ALDH4A1: variants seen among roughly 807,000 people sequenced by gnomAD.
ALDH4A1 encodes aldehyde dehydrogenase 4 family member A1.
Under a neutral mutation model 70.5 loss-of-function variants are expected in ALDH4A1, and 46 were observed. That is an observed-to-expected ratio of 0.65 (90% CI 0.51 to 0.83). ALDH4A1 has a LOEUF of 0.83. Ranked by LOEUF, ALDH4A1 falls within the 40% of genes least tolerant of loss-of-function variation. The pLI is 0.00. For missense variants in ALDH4A1, 749 were observed against 766.5 expected, an observed-to-expected ratio of 0.98 and a Z score of 0.27; for synonymous variants, 323 against 324.3, an observed-to-expected ratio of 1.00 and a Z score of 0.04.
chr1:18,900,824 T>A (rs1935774202), intron 1 of ALDH4A1: 1 of 980,090 alleles, frequency 1.0e-6, no homozygotes, highest in Admixed American at 6.2e-5. Flanking sequence ...GTCATATATC[T>A]CTGATGGCAG....
intron 12 of ALDH4A1, 36 bp from the exon 13 acceptor site, chr1:18,875,539 G>A (rs764284672): frequency 1.9e-6 from 3 of 1,613,242 alleles, no homozygotes; most frequent in African/African-American, 2.7e-5. Flanking sequence ...CCCTCCACGG[G>A]ACCAGGGACC....
At chr1:18,878,950 A>C (rs1325109633) in intron 9 of ALDH4A1, among the ~76,000 whole-genome samples, 1 of 152,124 alleles carries the variant, frequency 6.6e-6, no homozygotes, top group Non-Finnish European at 1.5e-5. Flanking sequence ...CTGCATTTGC[A>C]CTTGCCTCCG....
In ALDH4A1 at chr1:18,872,553, G is replaced by A. The variant is rs377235694; in HGVS notation, c.*292C>T. 4.1e-5 allele frequency: 12 copies of A among 292,438 alleles called. No homozygotes were observed. Among genetic ancestry groups the A allele is most frequent in the African/African-American group, 2.6e-4 (12 of 46,814 alleles). 18.1% of individuals were successfully genotyped at this position (292,438 alleles called of 1,614,324 possible). On this transcript the variant is annotated 3_prime_UTR_variant, in exon 15 of 15. Coordinates refer to ENST00000375341, the MANE Select transcript of ALDH4A1 (RefSeq NM_003748.4). ...CTCCATCTCCTTTCCCCAGGTCCCTGAGCCACTGGGCCCAGTGGAGGGCAG... is the reference window on the plus strand; with the variant it reads ...CTCCATCTCCTTTCCCCAGGTCCCTAAGCCACTGGGCCCAGTGGAGGGCAG...
intron 8 of ALDH4A1, 54 bp downstream of exon 8, chr1:18,881,646 G>A: frequency 9.9e-6 from 2 of 202,504 alleles, no homozygotes; most frequent in Non-Finnish European, 8.3e-6. Flanking sequence ...GACAGCAGGT[G>A]AGCAGGTGAA....
At chr1:18,875,101 G>T (rs113153383) in intron 13 of ALDH4A1, among the ~76,000 whole-genome samples, 1 of 152,234 alleles carries the variant, frequency 6.6e-6, no homozygotes, top group Non-Finnish European at 1.5e-5. Flanking sequence ...ACCAGATCCC[G>T]CAGAGCCAGT....
At chr1:18,885,427 T>TTCCCCCCCCCCCCCCCCCCC in intron 5 of ALDH4A1, 46 bp downstream of exon 5, 20 of 650,914 alleles carry the variant, frequency 3.1e-5, no homozygotes, top group East Asian at 6.3e-5. Context: ...CACACCTGAC[T>TTCCCCCCCCCCCCCCCCCCC]CCCACCCCAC....
chr1:18,896,297 A>G (rs1935612926), intron 1 of ALDH4A1, among the ~76,000 whole-genome samples: 1 of 152,036 alleles, frequency 6.6e-6, no homozygotes, highest in African/African-American at 2.4e-5. Flanking sequence ...CCTGAGAAAT[A>G]CAATCAATGC....
rs1569779981 is a variant in ALDH4A1, at chr1:18,890,079, A to G, written c.89T>C (p.Leu30Pro). The change falls in exon 2 of 15, where the codon CTG becomes CCG. Residue 30 changes from leucine to proline, a missense_variant. By Grantham distance (98) the Leu-to-Pro change is moderately conservative. Transcript: ENST00000375341. ...TAAGACGGGCTCGTTGGCCACCTTC[A>G]GGGAGGAGGTGTGCTTCCACCGCAG... Reference protein sequence around the residue: ...AGLRWKHTSSLKVANEPVLAF... With the variant: ...AGLRWKHTSSPKVANEPVLAF... 3 of 1,612,700 alleles carry G rather than the reference A, an allele frequency of 1.9e-6. No homozygotes were observed. The highest frequency in any genetic ancestry group is 4.5e-5 in the East Asian group (2 of 44,852).
intron 10 of ALDH4A1, 40 bp downstream of exon 10, chr1:18,877,375 GC>G (rs754246627): frequency 2.6e-6 from 4 of 1,552,132 alleles, no homozygotes; most frequent in East Asian, 2.4e-5. Context: ...AATCCCATCA[GC>G]CCCCCGCTGG....
Position 18,879,102 on chromosome 1 carries a change from G to A in ALDH4A1, c.940+198C>T, listed in dbSNP as rs922935775. ...TTCAAGGGCTCCATGGCCATGTGTG[G>A]CTGGTGGCTGCATATTGGAGAGTGA... On this transcript the variant is annotated intron_variant, in intron 9 of 14. Coordinates refer to ENST00000375341, the MANE Select transcript of ALDH4A1 (RefSeq NM_003748.4). Among the ~76,000 whole-genome samples the A allele has an allele frequency of 4.6e-5, 7 of 152,356 alleles. 1 individual carries two copies. The South Asian group carries it at 1.4e-3, about 32-fold the overall frequency.
chr1:18,899,671 G>A (rs1469988740), intron 1 of ALDH4A1, among the ~76,000 whole-genome samples: 1 of 152,218 alleles, frequency 6.6e-6, no homozygotes, highest in East Asian at 1.9e-4. Context: ...TGAAATGGGG[G>A]TGGTAACCCC....
Position 18,881,809 on chromosome 1 carries a change from C to T in ALDH4A1, c.757G>A (p.Gly253Ser). The change falls in exon 8 of 15, where the codon GGC becomes AGC. Residue 253 changes from glycine to serine, a missense_variant. Transcript: ENST00000375341. ...AACTGGATGATGTTGGGGGGCAGGC[C>T]AGCCTCCCGAAGGATGCGGTAGACA... ...YAVYRILREA[G>S]LPPNIIQFVP... 6.2e-7 allele frequency: 1 copy of T among 1,613,964 alleles called. No individual in the cohort carries two copies. The highest frequency in any genetic ancestry group is 8.5e-7 in the Non-Finnish European group (1 of 1,180,048).
intron 7 of ALDH4A1, among the ~76,000 whole-genome samples, chr1:18,882,168 G>A (rs1249249352): frequency 6.6e-6 from 1 of 152,224 alleles, no homozygotes; most frequent in Non-Finnish European, 1.5e-5. Context: ...ACCTAGGCAG[G>A]TCTGTTCTTA....
chr1:18,894,800 G>A (rs142217915), intron 1 of ALDH4A1, among the ~76,000 whole-genome samples: 3 of 151,662 alleles, frequency 2.0e-5, no homozygotes, highest in East Asian at 1.9e-4. Flanking sequence ...AGCCTGAGTC[G>A]ACTGCAGCTA....
In ALDH4A1 at chr1:18,879,356, C is replaced by T. The variant is rs1193283410; in HGVS notation, c.884G>A (p.Trp295Ter). The T allele has an allele frequency of 6.2e-7, 1 of 1,611,490 alleles. No homozygotes were observed. The highest frequency in any genetic ancestry group is 8.5e-7 in the Non-Finnish European group (1 of 1,179,010). ...GTCCAGGTTCTGGGCCACCTGCTTC[C>T]ACAGGTGTTTGAAGGTGCTGGAACC... Reference protein sequence around the residue: ...TGSVPTFKHLWKQVAQNLDRF... With the variant: ...TGSVPTFKHL Residue 295 changes from tryptophan to a stop codon, truncating the protein, a stop_gained, in exon 9 of 15, where the codon TGG becomes TAG. Transcript: ENST00000375341. LOFTEE classifies it high-confidence loss of function.
chr1:18,901,064 A>C, intron 1 of ALDH4A1: 1 of 214,956 alleles, frequency 4.7e-6, no homozygotes, highest in Non-Finnish European at 8.0e-6. Flanking sequence ...CCTCATCTCT[A>C]GGGTGTTTGG....
intron 1 of ALDH4A1, among the ~76,000 whole-genome samples, chr1:18,900,691 G>T (rs1024850855): frequency 1.3e-5 from 2 of 152,212 alleles, no homozygotes; most frequent in Admixed American, 6.5e-5. Context: ...GCCAGCTGCT[G>T]TATCAAAGGG....
chr1:18,898,150 T>C lies in ALDH4A1; in HGVS notation c.62+4312A>G, dbSNP rs1307378517. On this transcript the variant is annotated intron_variant, in intron 1 of 14. Transcript: ENST00000375341. The surrounding 1 kb of genome is among the most constrained non-coding windows in gnomAD (Gnocchi z 4.3). ...GGCCAACATGGTGAAACCCCGTCTCTACGAAAAAAAAAAAATACAAAAATT... is the reference window on the plus strand; with the variant it reads ...GGCCAACATGGTGAAACCCCGTCTCCACGAAAAAAAAAAAATACAAAAATT... Among the ~76,000 whole-genome samples the C allele has an allele frequency of 2.0e-5, 3 of 150,286 alleles. No individual in the cohort carries two copies. Among genetic ancestry groups the C allele is most frequent in the African/African-American group, 4.9e-5 (2 of 40,752 alleles).
At chr1:18,877,325 A>C (rs958973427) in intron 10 of ALDH4A1, 70 bp from the exon 11 acceptor site, 2 of 1,558,792 alleles carry the variant, frequency 1.3e-6, no homozygotes, top group African/African-American at 1.4e-5. Flanking sequence ...CCCTCCCCGC[A>C]CACCCCAGCC....
Sources: allele counts gnomAD v4.1 joint callset (sites outside exome capture counted in the v4.1 genomes callset), GRCh38; gene constraint gnomAD v4.1.1; non-coding constraint Gnocchi (gnomAD v3.1); transcripts MANE v1.5; gene names NCBI Gene and HGNC (gene_info 2026-07-23, HGNC 2026-07-21).